SYNJ1: variants seen among roughly 807,000 people sequenced by gnomAD.
SYNJ1 encodes the protein synaptojanin 1, also known as polyphosphatidylinositol phosphatase SYNJ1.
A neutral mutation model predicts 168.2 loss-of-function variants in SYNJ1; 78 were observed. That is an observed-to-expected ratio of 0.46 (90% CI 0.39 to 0.56). The LOEUF is 0.56. Ranked by LOEUF, SYNJ1 falls within the 20% of genes least tolerant of loss-of-function variation. The pLI is 0.00. For missense variants in SYNJ1, 1,303 were observed against 1,597.6 expected (o/e 0.82, Z 3.14); for synonymous variants, 539 against 548.6 (o/e 0.98, Z 0.24).
At chr21:32,695,811 C>G (rs956836013) in intron 4 of SYNJ1, among the ~76,000 whole-genome samples, 1 of 150,912 alleles carries the variant, frequency 6.6e-6, no homozygotes, top group Admixed American at 6.6e-5. Flanking sequence ...TACAGGCATG[C>G]ACCACCAAGC....
chr21:32,645,547 T>A lies in SYNJ1; in HGVS notation c.3391+99A>T, dbSNP rs2406. On this transcript the variant is annotated intron_variant, in intron 25 of 32. Coordinates refer to ENST00000674351, the MANE Select transcript of SYNJ1 (RefSeq NM_203446.3). ...AAATAGCAATAATGATAGAAAAAAC[T>A]GTAAAATCCAGAAGCTAGAGATTGG... The A allele has an allele frequency of 0.51, 708,026 of 1,375,118 alleles. 184,875 individuals are homozygous for A. Among genetic ancestry groups the A allele is most frequent in the African/African-American group, 0.69 (46,313 of 67,028 alleles). 85.2% of individuals were successfully genotyped at this position (1,375,118 alleles called of 1,614,324 possible). A position where few individuals can be genotyped will look rare whatever the true frequency, so the allele number is the denominator to read the frequency against.
At chr21:32,691,135 C>A (rs111974400) in intron 6 of SYNJ1, among the ~76,000 whole-genome samples, 1 of 152,140 alleles carries the variant, frequency 6.6e-6, no homozygotes, top group East Asian at 1.9e-4. Context: ...TGAATTGTAA[C>A]CCCCAAGGTT....
chr21:32,688,231 G>T, intron 7 of SYNJ1, 75 bp downstream of exon 7: 5 of 1,413,784 alleles, frequency 3.5e-6, no homozygotes, highest in African/African-American at 1.5e-5. Flanking sequence ...AAAGTTTGAA[G>T]TGAATCAGTA....
At chr21:32,710,062 G>A (rs967366957) in intron 2 of SYNJ1, among the ~76,000 whole-genome samples, 6 of 151,872 alleles carry the variant, frequency 4.0e-5, no homozygotes, top group Non-Finnish European at 8.8e-5. Context: ...AATTAGCCGG[G>A]CATGGTTGCA....
chr21:32,681,779 AAC>A, intron 10 of SYNJ1, 131 bp from the exon 11 acceptor site: 1 of 726,680 alleles, frequency 1.4e-6, no homozygotes, highest in Non-Finnish European at 2.1e-6. Context: ...CTGAAAACAT[AAC>A]AGTTTACTAG....
intron 11 of SYNJ1, among the ~76,000 whole-genome samples, chr21:32,679,675 C>A (rs1373109529): frequency 6.6e-6 from 1 of 152,058 alleles, no homozygotes; most frequent in Non-Finnish European, 1.5e-5. Flanking sequence ...TTCTTAAATG[C>A]CACTAAATGA....
Position 32,685,752 on chromosome 21 carries a change from G to C in SYNJ1, c.1114C>G (p.Gln372Glu), listed in dbSNP as rs757762568. Residue 372 changes from glutamine to glutamate, a missense_variant, in exon 9 of 33, where the codon CAA (glutamine) becomes GAA (glutamate). Physicochemically the swap from Gln to Glu is conservative, Grantham distance 29. Transcript: ENST00000674351. ...AGAGAAACAGAACAGTCAAACCTTT[G>C]AACTTCACTTCCATTGAAATAAAAA... is the stretch of plus-strand genomic sequence containing the variant. ...GFFYFNGSEVQRCQSGTVRTN... is the reference protein window; with the variant it reads ...GFFYFNGSEVERCQSGTVRTN... 3.7e-6 allele frequency: 6 copies of C among 1,600,246 alleles called. No individual in the cohort carries two copies. The South Asian group carries it at 5.7e-5, about 15-fold the overall frequency.
chr21:32,662,886 C>T (rs536676230), intron 18 of SYNJ1, among the ~76,000 whole-genome samples: 7 of 152,108 alleles, frequency 4.6e-5, no homozygotes, highest in African/African-American at 1.7e-4. Context: ...TTGATCCTCG[C>T]TGGAAAAAAG....
rs568969575 is a variant in SYNJ1, at chr21:32,652,363, G to A, written c.2874+925C>T. Reference sequence around the variant, plus strand: ...TTACAGGCGCCCACCACCACGCCTGGCTACTTCTTGTATTTTTAGTAGAGA... The same window carrying A: ...TTACAGGCGCCCACCACCACGCCTGACTACTTCTTGTATTTTTAGTAGAGA... On this transcript the variant is annotated intron_variant, in intron 22 of 32. Transcript: ENST00000674351. Among the ~76,000 whole-genome samples the A allele has an allele frequency of 2.6e-5, 4 of 152,250 alleles. No homozygotes were observed. The South Asian group carries it at 8.3e-4, about 32-fold the overall frequency.
At chr21:32,638,395 C>T (rs1170960244) in intron 31 of SYNJ1, among the ~76,000 whole-genome samples, 2 of 152,110 alleles carry the variant, frequency 1.3e-5, no homozygotes, top group Non-Finnish European at 2.9e-5. Flanking sequence ...AAGGAAAGAT[C>T]ACTTTGAAAA....
At chr21:32,636,788 C>A (rs1040657047) in intron 31 of SYNJ1, among the ~76,000 whole-genome samples, 1 of 151,884 alleles carries the variant, frequency 6.6e-6, no homozygotes, top group African/African-American at 2.4e-5. Flanking sequence ...GTAAACAAGA[C>A]CCCACCCTCC....
intron 18 of SYNJ1, 107 bp downstream of exon 18, chr21:32,664,802 CATAT>C: frequency 1.2e-6 from 1 of 844,154 alleles, no homozygotes; most frequent in Non-Finnish European, 1.8e-6. Flanking sequence ...CCTACAGATG[CATAT>C]TTAAGTACAA....
In SYNJ1 at chr21:32,638,991, G is replaced by T. The variant is rs371076175; in HGVS notation, c.3832C>A (p.Pro1278Thr). The T allele has an allele frequency of 3.1e-6, 5 of 1,613,962 alleles. No individual in the cohort carries two copies. The highest frequency in any genetic ancestry group is 2.7e-5 in the African/African-American group (2 of 75,010). The part of the protein sequence containing the change: ...AAPMPQSGPQ[P>T]NLETPPQPPP... Reference sequence around the variant, plus strand: ...GGTTGTGGTGGGGTTTCCAAATTTGGCTGGGGGCCAGACTGAGGCATAGGT... The same window carrying T: ...GGTTGTGGTGGGGTTTCCAAATTTGTCTGGGGGCCAGACTGAGGCATAGGT... Residue 1278 changes from proline (P) to threonine (T), a missense_variant, in exon 31 of 33, where the codon CCA becomes ACA. Transcript: ENST00000674351.
chr21:32,702,421 T>C (rs1265467778), intron 2 of SYNJ1, among the ~76,000 whole-genome samples: 1 of 152,210 alleles, frequency 6.6e-6, no homozygotes, highest in Non-Finnish European at 1.5e-5. Flanking sequence ...GACAAAAGTC[T>C]GGTCTTTGCC....
chr21:32,665,201 C>T, intron 17 of SYNJ1, 130 bp from the exon 18 acceptor site: 1 of 916,744 alleles, frequency 1.1e-6, no homozygotes, highest in Non-Finnish European at 1.5e-6. Context: ...AGTAATAACA[C>T]ATGTGAAACG....
intron 4 of SYNJ1, 93 bp from the exon 5 acceptor site, chr21:32,695,375 T>G: frequency 8.3e-7 from 1 of 1,197,868 alleles, no homozygotes; most frequent in East Asian, 2.6e-5. Context: ...AATTTAATAT[T>G]ATTAAATTTA....
chr21:32,650,935 G>T (rs997190712), intron 22 of SYNJ1, among the ~76,000 whole-genome samples: 19 of 152,168 alleles, frequency 1.2e-4, no homozygotes, highest in African/African-American at 4.6e-4. Context: ...AAAACAGAAT[G>T]ACTTCTACCT....
chr21:32,635,348 A>G (rs2039520400), intron 31 of SYNJ1, among the ~76,000 whole-genome samples: 1 of 152,130 alleles, frequency 6.6e-6, no homozygotes, highest in African/African-American at 2.4e-5. Context: ...TTATGAGAAG[A>G]GACACCAGAG....
intron 2 of SYNJ1, among the ~76,000 whole-genome samples, chr21:32,708,705 T>C (rs903494420): frequency 2.1e-4 from 32 of 152,286 alleles, no homozygotes; most frequent in African/African-American, 7.7e-4. Context: ...AGGAAAAGAC[T>C]ATTTTTCCCA....
Sources: allele counts gnomAD v4.1 joint callset (sites outside exome capture counted in the v4.1 genomes callset), GRCh38; gene constraint gnomAD v4.1.1; transcripts MANE v1.5; gene names NCBI Gene and HGNC (gene_info 2026-07-23, HGNC 2026-07-21).